The following BZW2 variants were observed in gnomAD, a reference collection of about 807,000 sequenced individuals.
The protein encoded by BZW2 is eIF5-mimic protein 1.
Under a neutral mutation model 53.2 loss-of-function variants are expected in BZW2, and 23 were observed. The observed-to-expected ratio is 0.43, with a 90% confidence interval of 0.31 to 0.61. BZW2 has a LOEUF of 0.61. Among genes scored for constraint, BZW2 ranks in the 20% least tolerant of loss-of-function variants. The probability of loss-of-function intolerance (pLI) is 0.09; values close to 1 mark genes in which losing one functional copy is unlikely to be tolerated. For synonymous variants in BZW2, 227 were observed against 186.4 expected (o/e 1.22, Z -1.77); for missense variants, 409 against 503.1 (o/e 0.81, Z 1.79).
At chr7:16,646,893 G>A (rs1050065101) in intron 1 of BZW2, among the ~76,000 whole-genome samples, 3 of 152,130 alleles carry the variant, frequency 2.0e-5, no homozygotes, top group Non-Finnish European at 4.4e-5. Flanking sequence ...GGGAAGGAAG[G>A]GCTTCTTTGC....
rs559847648 is a variant in BZW2 at position 16,697,542 on chromosome 7, A to G, written c.969+481A>G. On this transcript the variant is annotated intron_variant, in intron 9 of 11. Transcript: ENST00000258761. Reference sequence around the variant, plus strand: ...GTAAACTGTCCATGTTACTTTGATCAGGGAAGGCCCTTTGGAAGAGATAAG... The same window carrying G: ...GTAAACTGTCCATGTTACTTTGATCGGGGAAGGCCCTTTGGAAGAGATAAG... Among the ~76,000 whole-genome samples, 57 of 152,336 alleles carry G rather than the reference A, an allele frequency of 3.7e-4. 1 individual carries two copies. In the South Asian group the frequency reaches 7.5e-3, roughly 20 times the overall value.
intron 1 of BZW2, among the ~76,000 whole-genome samples, chr7:16,659,060 G>A (rs537164062): frequency 9.3e-5 from 14 of 150,292 alleles, no homozygotes; most frequent in Admixed American, 2.7e-4. Flanking sequence ...TCAAGAGTTC[G>A]AGACCAGCCT....
At chr7:16,682,868 T>A (rs1289135371) in intron 5 of BZW2, 23 bp downstream of exon 5, 1 of 1,492,538 alleles carries the variant, frequency 6.7e-7, no homozygotes, top group Non-Finnish European at 9.2e-7. Flanking sequence ...ATATAATGCC[T>A]ATCTGTTTTA....
At chr7:16,702,608 G>T (rs1783703866) in intron 10 of BZW2, among the ~76,000 whole-genome samples, 1 of 152,080 alleles carries the variant, frequency 6.6e-6, no homozygotes, top group African/African-American at 2.4e-5. Context: ...TAGTTGCATG[G>T]TCTCCTTCAG....
intron 3 of BZW2, among the ~76,000 whole-genome samples, chr7:16,676,236 A>G (rs1782759379): frequency 6.6e-6 from 1 of 152,192 alleles, no homozygotes; most frequent in Non-Finnish European, 1.5e-5. Context: ...AAAAAGAATT[A>G]AAGCCAAACG....
intron 4 of BZW2, among the ~76,000 whole-genome samples, 179 bp downstream of exon 4, chr7:16,681,583 C>T (rs757225975): frequency 7.2e-5 from 11 of 152,204 alleles, no homozygotes; most frequent in Non-Finnish European, 1.3e-4. Flanking sequence ...ATAATCCCAG[C>T]GCTTTGGGAG....
chr7:16,648,658 A>C (rs762520896), intron 1 of BZW2, among the ~76,000 whole-genome samples: 1 of 152,122 alleles, frequency 6.6e-6, no homozygotes, highest in Admixed American at 6.6e-5. Flanking sequence ...GAAGGTTCCA[A>C]TCCATCCATG....
Position 16,704,533 on chromosome 7 carries a change from A to AT in BZW2, c.1109-11dup. On this transcript the variant is annotated splice_polypyrimidine_tract_variant and intron_variant, in intron 10 of 11. Transcript: ENST00000258761. ...TTGTATAGTAACTTTGAAATCTTTGATTTAAAATTGCAGCTGATGTTCTGA... is the reference window on the plus strand; with the variant it reads ...TTGTATAGTAACTTTGAAATCTTTGATTTTAAAATTGCAGCTGATGTTCTGA... 1 of 1,511,088 alleles carries AT rather than the reference A, an allele frequency of 6.6e-7. No individual in the cohort carries two copies. 93.6% of individuals were successfully genotyped at this position (1,511,088 alleles called of 1,614,324 possible).
chr7:16,689,470 G>A (rs17169591), intron 6 of BZW2, among the ~76,000 whole-genome samples: 5,145 of 152,210 alleles, frequency 0.034, 170 homozygotes, highest in African/African-American at 0.087. Context: ...ATGAACCAGA[G>A]GGTGAAATAA....
chr7:16,700,582 G>A (rs140379037), intron 10 of BZW2, among the ~76,000 whole-genome samples: 98 of 152,316 alleles, frequency 6.4e-4, no homozygotes, highest in African/African-American at 1.8e-3. Context: ...AGTAGGGCCA[G>A]GGTTGGGCCT....
chr7:16,669,902 C>A (rs566263446), intron 2 of BZW2, among the ~76,000 whole-genome samples: 1 of 152,308 alleles, frequency 6.6e-6, no homozygotes, highest in South Asian at 2.1e-4. Flanking sequence ...GAGGCAATGG[C>A]ATATTTTCAT....
intron 2 of BZW2, among the ~76,000 whole-genome samples, chr7:16,670,053 T>C (rs1268987711): frequency 6.6e-6 from 1 of 152,222 alleles, no homozygotes; most frequent in African/African-American, 2.4e-5. Context: ...GCCATTTTCT[T>C]ATATGGGAAT....
chr7:16,702,001 G>T (rs1326662829), intron 10 of BZW2, among the ~76,000 whole-genome samples: 1 of 152,146 alleles, frequency 6.6e-6, no homozygotes, highest in Admixed American at 6.5e-5. Context: ...ACATTATGAA[G>T]AAGTTGGCCA....
intron 7 of BZW2, 113 bp downstream of exon 7, chr7:16,690,019 C>G: frequency 1.6e-6 from 1 of 625,506 alleles, no homozygotes; most frequent in East Asian, 3.2e-5. Context: ...ACTTGGAGCA[C>G]TGTTCCTTTT....
intron 2 of BZW2, among the ~76,000 whole-genome samples, chr7:16,673,872 T>G (rs1782683614): frequency 6.6e-6 from 1 of 152,172 alleles, no homozygotes; most frequent in African/African-American, 2.4e-5. Flanking sequence ...TATTAAATAT[T>G]TAAGTACTCT....
Position 16,706,407 on chromosome 7 carries a change from G to A in BZW2, c.*319G>A. 1 of 258,592 alleles carries A rather than the reference G, an allele frequency of 3.9e-6. No homozygotes were observed. Among genetic ancestry groups the A allele is most frequent in the East Asian group, 7.9e-5 (1 of 12,674 alleles). The allele number at this position is 258,592 out of a possible 1,614,324, so 16.0% of individuals were successfully genotyped here. ...TTTTTAGCTGTATTTTTCAGGTACTGTGTGGTGACCGCCCCACTGGTGTCT... is the reference window on the plus strand; with the variant it reads ...TTTTTAGCTGTATTTTTCAGGTACTATGTGGTGACCGCCCCACTGGTGTCT... On this transcript the variant is annotated 3_prime_UTR_variant, in exon 12 of 12. Coordinates refer to ENST00000258761, the MANE Select transcript of BZW2 (RefSeq NM_014038.3).
At chr7:16,676,404 T>G (rs530273399) in intron 3 of BZW2, among the ~76,000 whole-genome samples, 5 of 151,736 alleles carry the variant, frequency 3.3e-5, no homozygotes, top group Non-Finnish European at 5.9e-5. Flanking sequence ...CCAAATTAGC[T>G]GGGCATAGTG....
At chr7:16,670,813 A>G (rs1198292366) in intron 2 of BZW2, among the ~76,000 whole-genome samples, 1 of 152,204 alleles carries the variant, frequency 6.6e-6, no homozygotes, top group Admixed American at 6.5e-5. Context: ...TCTTGACTGC[A>G]TAATGTTTTG....
chr7:16,646,724 A>G (rs1451135461), intron 1 of BZW2, among the ~76,000 whole-genome samples: 1 of 152,128 alleles, frequency 6.6e-6, no homozygotes, highest in African/African-American at 2.4e-5. Context: ...GGTAGTTTTT[A>G]CGCTGGTGAT....
Sources: allele counts gnomAD v4.1 joint callset (sites outside exome capture counted in the v4.1 genomes callset), GRCh38; gene constraint gnomAD v4.1.1; transcripts MANE v1.5; gene names NCBI Gene and HGNC (gene_info 2026-07-23, HGNC 2026-07-21).